Variants in MYO9A observed in about 807,000 individuals in gnomAD.
MYO9A encodes the protein myosin IXA.
Under a neutral mutation model 293.3 loss-of-function variants are expected in MYO9A, and 103 were observed. The observed-to-expected ratio is 0.35, with a 90% CI of 0.30 to 0.41. The LOEUF (loss-of-function observed/expected upper bound fraction) is 0.41, where lower values mean the gene tolerates loss of function less well. Ranked by LOEUF, MYO9A falls within the 10% of genes least tolerant of loss-of-function variation. The pLI is 1.00. For synonymous variants in MYO9A, 1,001 were observed against 1,035.7 expected (o/e 0.97, Z 0.64); for missense variants, 2,685 against 3,033.0 (o/e 0.89, Z 2.69).
At chr15:71,910,019 T>A (rs1018824702) in intron 19 of MYO9A, among the ~76,000 whole-genome samples, 1 of 150,866 alleles carries the variant, frequency 6.6e-6, no homozygotes, top group South Asian at 2.1e-4. Flanking sequence ...AAATAATAAG[T>A]GTAAATTATG....
chr15:71,904,225 G>A (rs1268152335), intron 20 of MYO9A, among the ~76,000 whole-genome samples, 186 bp from the exon 21 acceptor site: 1 of 152,202 alleles, frequency 6.6e-6, no homozygotes, highest in Non-Finnish European at 1.5e-5. Context: ...AGTTCTGACT[G>A]CCCAACCCTA....
At chr15:71,964,743 C>T (rs1384790830) in intron 13 of MYO9A, among the ~76,000 whole-genome samples, 5 of 151,944 alleles carry the variant, frequency 3.3e-5, no homozygotes, top group Admixed American at 6.6e-5. Flanking sequence ...GCCGAGATCG[C>T]GCCACTGCAT....
At position 71,898,777 on chromosome 15, in the gene MYO9A, A is replaced by T. The variant is rs774335319; in HGVS notation, c.3726T>A (p.Ser1242Arg). 10 of 1,613,422 alleles carry T rather than the reference A, an allele frequency of 6.2e-6. No homozygotes were observed. The African/African-American group carries it at 1.3e-4, about 22-fold the overall frequency. ...NKQQERAQSQ[S>R]GVDLQEDVLV... ...GCACATCTTCCTGCAAGTCCACACC[A>T]CTCTGGCTTTGGGCTCTCTCCTGCT... Residue 1242 changes from serine (S) to arginine (R), a missense_variant, in exon 25 of 42, where the codon AGT (serine) becomes AGA (arginine). Physicochemically the swap from Ser to Arg is moderately radical, Grantham distance 110. Around this residue, in one of 10 missense-constraint regions of MYO9A, gnomAD observed 1,434 missense variants for 1,497.7 expected, o/e 0.96. Transcript: ENST00000356056.
chr15:72,041,394 C>A (rs2078221119), intron 2 of MYO9A: 1 of 436,386 alleles, frequency 2.3e-6, no homozygotes, highest in Admixed American at 2.9e-5. Flanking sequence ...ATAATCATGT[C>A]TCTGAATATT....
intron 39 of MYO9A, among the ~76,000 whole-genome samples, chr15:71,836,247 T>C (rs1259604105): frequency 6.6e-6 from 1 of 152,002 alleles, no homozygotes; most frequent in Non-Finnish European, 1.5e-5. Context: ...CAAAAGAGGA[T>C]ACAGAAATGG....
intron 16 of MYO9A, among the ~76,000 whole-genome samples, chr15:71,937,930 G>C (rs1426110813): frequency 1.3e-5 from 2 of 152,074 alleles, no homozygotes; most frequent in African/African-American, 4.8e-5. Context: ...TGCAAATATG[G>C]TGGTAGATAC....
chr15:71,923,608 T>C (rs1019914546), intron 18 of MYO9A, among the ~76,000 whole-genome samples: 1 of 152,184 alleles, frequency 6.6e-6, no homozygotes, highest in Non-Finnish European at 1.5e-5. Flanking sequence ...GACTAGGAAT[T>C]TACCCATTTC....
At chr15:71,936,943 A>G (rs1356311935) in intron 16 of MYO9A, among the ~76,000 whole-genome samples, 1 of 151,672 alleles carries the variant, frequency 6.6e-6, no homozygotes, top group African/African-American at 2.4e-5. Context: ...TTTAGAAAAA[A>G]AAAAAAGAAA....
chr15:71,961,714 G>C (rs2075748829), intron 13 of MYO9A, among the ~76,000 whole-genome samples: 1 of 151,988 alleles, frequency 6.6e-6, no homozygotes, highest in African/African-American at 2.4e-5. Flanking sequence ...AATTATATTT[G>C]GTTATTATCA....
intron 18 of MYO9A, among the ~76,000 whole-genome samples, chr15:71,924,912 T>C (rs1351220156): frequency 6.6e-6 from 1 of 150,920 alleles, no homozygotes; most frequent in African/African-American, 2.4e-5. Context: ...GAATGAAACT[T>C]AGTCTCAAAA....
intron 1 of MYO9A, among the ~76,000 whole-genome samples, chr15:72,051,231 C>T (rs1025943544): frequency 6.6e-6 from 1 of 152,100 alleles, no homozygotes; most frequent in Non-Finnish European, 1.5e-5. Flanking sequence ...ATGGCAGCAG[C>T]GGCCCATCTA....
intron 32 of MYO9A, among the ~76,000 whole-genome samples, chr15:71,863,939 C>A (rs181108380): frequency 6.6e-6 from 1 of 152,274 alleles, no homozygotes; most frequent in East Asian, 1.9e-4. Context: ...AACCAATGAA[C>A]CCTTCCTGTC....
chr15:72,008,058 A>T, intron 7 of MYO9A, 106 bp from the exon 8 acceptor site: 2 of 1,340,224 alleles, frequency 1.5e-6, no homozygotes, highest in Non-Finnish European at 2.0e-6. Context: ...TGAAGTATTT[A>T]GTCTTTGGAA....
In MYO9A at chr15:71,880,337, T is replaced by G. The variant is rs2056835411; in HGVS notation, c.5620A>C (p.Lys1874Gln). ...CTGACGTGGCAAATAAAGTGTACCT[T>G]TTTCAGAAGAAATTCATCCATGCTT... is the stretch of plus-strand genomic sequence containing the variant. ...LKSMDEFLLKKVNDLDNEDSK... is the reference protein window; with the variant it reads ...LKSMDEFLLKQVNDLDNEDSK... Residue 1874 changes from lysine to glutamine, a missense_variant and splice_region_variant, in exon 29 of 42, where the codon AAG (lysine) becomes CAG (glutamine). Coordinates refer to ENST00000356056, the MANE Select transcript of MYO9A (RefSeq NM_006901.4). The G allele has an allele frequency of 5.0e-6, 8 of 1,613,988 alleles. No individual in the cohort carries two copies. Among genetic ancestry groups the G allele is most frequent in the Non-Finnish European group, 6.8e-6 (8 of 1,179,934 alleles).
chr15:71,960,290 C>T, intron 13 of MYO9A, 194 bp from the exon 14 acceptor site: 1 of 574,382 alleles, frequency 1.7e-6, no homozygotes. Flanking sequence ...GATTGGGGCT[C>T]TCTTCAAAGT....
chr15:72,088,693 T>C (rs887295655), intron 1 of MYO9A, among the ~76,000 whole-genome samples: 6 of 152,196 alleles, frequency 3.9e-5, no homozygotes, highest in Non-Finnish European at 5.9e-5. Flanking sequence ...GTAAAAAATA[T>C]ATATATGTAT....
At chr15:72,068,155 C>T (rs947218393) in intron 1 of MYO9A, among the ~76,000 whole-genome samples, 1 of 152,026 alleles carries the variant, frequency 6.6e-6, no homozygotes, top group African/African-American at 2.4e-5. Flanking sequence ...AGAATATTTC[C>T]AACAGCTTTC....
chr15:71,859,788 A>G lies in MYO9A; in HGVS notation c.6100T>C (p.Tyr2034His). ...AGACAGCACTTCTTATGGCAAGCATACTTGCATACTGAAAAATAGGTGAGG... is the reference window on the plus strand; with the variant it reads ...AGACAGCACTTCTTATGGCAAGCATGCTTGCATACTGAAAAATAGGTGAGG... ...DRASVCKLCKYACHKKCCLKT... is the reference protein window; with the variant it reads ...DRASVCKLCKHACHKKCCLKT... The change falls in exon 34 of 42, where the codon TAT (tyrosine) becomes CAT (histidine). Residue 2034 changes from tyrosine (Y) to histidine (H), a missense_variant. Tyr to His is a moderately conservative substitution (Grantham distance 83, BLOSUM62 2). This residue lies in a region of MYO9A where 238 missense variants were observed against 269.1 expected (regional missense o/e 0.88). Coordinates refer to ENST00000356056, the MANE Select transcript of MYO9A (RefSeq NM_006901.4). The G allele has an allele frequency of 1.2e-6, 2 of 1,613,274 alleles. No individual in the cohort carries two copies. The highest frequency in any genetic ancestry group is 1.3e-5 in the African/African-American group (1 of 75,024).
intron 32 of MYO9A, among the ~76,000 whole-genome samples, chr15:71,867,352 A>G (rs2056364146): frequency 6.6e-6 from 1 of 152,180 alleles, no homozygotes; most frequent in African/African-American, 2.4e-5. Flanking sequence ...AGTCTTAACT[A>G]TGACTCAAAA....
Sources: allele counts gnomAD v4.1 joint callset (sites outside exome capture counted in the v4.1 genomes callset), GRCh38; gene constraint gnomAD v4.1.1; regional missense constraint gnomAD v4.1.1; transcripts MANE v1.5; gene names NCBI Gene and HGNC (gene_info 2026-07-23, HGNC 2026-07-21).